The following MSTO1 variants were observed in gnomAD, a reference collection of about 807,000 sequenced individuals.
MSTO1 encodes the protein protein misato homolog 1.
A neutral mutation model predicts 55.7 loss-of-function variants in MSTO1; 24 were observed. The ratio of observed to expected loss-of-function variants is 0.43; its 90% CI spans 0.31 to 0.61. MSTO1 has a LOEUF of 0.61. Among genes scored for constraint, MSTO1 ranks in the 20% least tolerant of loss-of-function variants. MSTO1 has a pLI of 0.09. For missense variants in MSTO1, 363 were observed against 625.7 expected (o/e 0.58, Z 4.48); for synonymous variants, 162 against 252.8 (o/e 0.64, Z 3.41).
At chr1:155,577,467 A>C in the MSTO1 span, among the ~76,000 whole-genome samples, 3 of 152,246 alleles carry the variant, frequency 2.0e-5, no homozygotes, top group East Asian at 5.8e-4. Flanking sequence ...GTATAATGTA[A>C]GGTAGGGGTC....
chr1:155,596,920 T>G, the MSTO1 span, among the ~76,000 whole-genome samples: 6 of 151,990 alleles, frequency 3.9e-5, no homozygotes, highest in East Asian at 1.2e-3. Context: ...CTGGGCAACA[T>G]AGCAAAACCT....
At chr1:155,576,893 T>A in the MSTO1 span, among the ~76,000 whole-genome samples, 1 of 146,854 alleles carries the variant, frequency 6.8e-6, no homozygotes, top group South Asian at 2.3e-4. Context: ...CAGGCGCTTG[T>A]AATCCCAGCT....
chr1:155,608,388 C>A (rs1356620512), upstream of MSTO1, among the ~76,000 whole-genome samples: 1 of 152,144 alleles, frequency 6.6e-6, no homozygotes, highest in East Asian at 1.9e-4. Context: ...TCCAGTCTAC[C>A]CTCACATTCT....
chr1:155,568,055 ATTTATTTTATTTTAT>A, the MSTO1 span, among the ~76,000 whole-genome samples: 211 of 143,472 alleles, frequency 1.5e-3, 1 homozygote, highest in African/African-American at 5.1e-3. Flanking sequence ...AAAAAAAATT[ATTTATTTTATTTTAT>A]TTTATTTTAT....
chr1:155,599,043 C>A, the MSTO1 span: 1 of 522,738 alleles, frequency 1.9e-6, no homozygotes, highest in Non-Finnish European at 3.3e-6. Context: ...GTCACGATGG[C>A]TCATGCCTGT....
chr1:155,605,962 T>G (rs1025036530), upstream of MSTO1, among the ~76,000 whole-genome samples: 2 of 152,200 alleles, frequency 1.3e-5, no homozygotes, highest in Admixed American at 6.5e-5. Context: ...ACAAGAACAT[T>G]AAAGAAAAGG....
the MSTO1 span, among the ~76,000 whole-genome samples, chr1:155,583,530 G>A: frequency 6.6e-6 from 1 of 151,928 alleles, no homozygotes; most frequent in East Asian, 1.9e-4. Flanking sequence ...ACTGAGACCC[G>A]ATCTCACAAA....
At chr1:155,568,057 T>G in the MSTO1 span, among the ~76,000 whole-genome samples, 2 of 144,234 alleles carry the variant, frequency 1.4e-5, no homozygotes, top group Admixed American at 6.8e-5. Flanking sequence ...AAAAAATTAT[T>G]TATTTTATTT....
At chr1:155,564,897 G>A in the MSTO1 span, among the ~76,000 whole-genome samples, 2 of 152,134 alleles carry the variant, frequency 1.3e-5, no homozygotes, top group African/African-American at 4.8e-5. Flanking sequence ...CAAGGCGCAT[G>A]GATCACGAGG....
the MSTO1 span, among the ~76,000 whole-genome samples, chr1:155,578,650 A>G: frequency 1.3e-5 from 2 of 150,112 alleles, no homozygotes; most frequent in Non-Finnish European, 3.0e-5. Flanking sequence ...AGCTGGGACT[A>G]CAGGCGCCCG....
chr1:155,609,084 C>T (rs1673189779), upstream of MSTO1, among the ~76,000 whole-genome samples: 1 of 151,678 alleles, frequency 6.6e-6, no homozygotes, highest in African/African-American at 2.4e-5. Context: ...GCCTCGGCCT[C>T]CCAAAGTGTT....
intron 2 of MSTO1, 43 bp from the exon 3 acceptor site, chr1:155,610,996 G>C: frequency 1.9e-6 from 1 of 521,706 alleles, no homozygotes; most frequent in Non-Finnish European, 3.3e-6. Flanking sequence ...GGGGAAGGGT[G>C]CCCAGGCTTT....
upstream of MSTO1, among the ~76,000 whole-genome samples, chr1:155,609,243 A>ATATATATATATTTTTT (rs59756178): frequency 9.2e-5 from 5 of 54,576 alleles, no homozygotes; most frequent in East Asian, 1.9e-3. Context: ...ATATATATAT[A>ATATATATATATTTTTT]TTTTTTTTTT....
At chr1:155,602,646 T>C in the MSTO1 span, among the ~76,000 whole-genome samples, 1 of 152,178 alleles carries the variant, frequency 6.6e-6, no homozygotes, top group Non-Finnish European at 1.5e-5. Context: ...TTGGAATAAC[T>C]GTATCATTTT....
the MSTO1 span, among the ~76,000 whole-genome samples, chr1:155,603,703 C>T: frequency 6.6e-6 from 1 of 151,832 alleles, no homozygotes; most frequent in Non-Finnish European, 1.5e-5. Flanking sequence ...ACTAAAAATA[C>T]AAAAACTAGC....
the MSTO1 span, among the ~76,000 whole-genome samples, chr1:155,589,830 TG>T: frequency 6.6e-6 from 1 of 151,726 alleles, no homozygotes; most frequent in African/African-American, 2.4e-5. Context: ...ACACTGAGGG[TG>T]GGTCTGCGTC....
chr1:155,584,739 T>C, the MSTO1 span, among the ~76,000 whole-genome samples: 1 of 150,814 alleles, frequency 6.6e-6, no homozygotes, highest in African/African-American at 2.4e-5. Flanking sequence ...TATGAGTCTG[T>C]ACCTCTCTCT....
chr1:155,572,452 C>T, the MSTO1 span, among the ~76,000 whole-genome samples: 1 of 152,066 alleles, frequency 6.6e-6, no homozygotes, highest in African/African-American at 2.4e-5. Flanking sequence ...CGGTGGCTCA[C>T]GCCTGTAATC....
upstream of MSTO1, among the ~76,000 whole-genome samples, chr1:155,609,245 T>TA: frequency 6.8e-4 from 46 of 67,744 alleles, no homozygotes; most frequent in African/African-American, 2.4e-3. Context: ...ATATATATAT[T>TA]TTTTTTTTTT....
Sources: allele counts gnomAD v4.1 joint callset (sites outside exome capture counted in the v4.1 genomes callset), GRCh38; gene constraint gnomAD v4.1.1; transcripts MANE v1.5; gene names NCBI Gene and HGNC (gene_info 2026-07-23, HGNC 2026-07-21).